The following SPMIP2 variants were observed in gnomAD, a reference collection of about 807,000 sequenced individuals.
SPMIP2 encodes the protein protein SPMIP2.
the SPMIP2 span, among the ~76,000 whole-genome samples, chr4:159,061,053 C>A: frequency 6.8e-6 from 1 of 147,814 alleles, no homozygotes; most frequent in Non-Finnish European, 1.5e-5. Flanking sequence ...CCACTGCACT[C>A]TAGCCTGGGC....
the SPMIP2 span, among the ~76,000 whole-genome samples, chr4:159,006,067 T>C: frequency 3.3e-5 from 5 of 152,234 alleles, no homozygotes; most frequent in Admixed American, 3.3e-4. Flanking sequence ...CCTGACCCTC[T>C]TTTAATTTTT....
chr4:159,061,416 T>C, the SPMIP2 span, among the ~76,000 whole-genome samples: 3 of 152,024 alleles, frequency 2.0e-5, no homozygotes, highest in Non-Finnish European at 4.4e-5. Flanking sequence ...CACTGTATCC[T>C]GGGACACTGG....
chr4:158,986,382 C>T, the SPMIP2 span, among the ~76,000 whole-genome samples: 3 of 152,156 alleles, frequency 2.0e-5, no homozygotes, highest in Non-Finnish European at 4.4e-5. Context: ...TGACTTCAAA[C>T]TATACTACAA....
At chr4:158,975,775 A>G in the SPMIP2 span, among the ~76,000 whole-genome samples, 1 of 152,194 alleles carries the variant, frequency 6.6e-6, no homozygotes, top group Non-Finnish European at 1.5e-5. Context: ...GGTCTTGGCT[A>G]TGTGGGCTCT....
At chr4:158,895,778 A>G in the SPMIP2 span, 2 of 1,612,720 alleles carry the variant, frequency 1.2e-6, no homozygotes, top group Non-Finnish European at 1.7e-6. Context: ...GATAGACTAC[A>G]GGAGATGTAC....
chr4:159,077,307 T>C, the SPMIP2 span, among the ~76,000 whole-genome samples: 45 of 151,884 alleles, frequency 3.0e-4, no homozygotes, highest in African/African-American at 1.1e-3. Flanking sequence ...CCACCACGCC[T>C]GGCTAATTTT....
the SPMIP2 span, chr4:159,038,850 G>A: frequency 6.6e-6 from 1 of 152,346 alleles, no homozygotes; most frequent in African/African-American, 2.4e-5. Flanking sequence ...CAATAGCACT[G>A]TGCCTAGCAA....
chr4:158,988,153 A>T, the SPMIP2 span, among the ~76,000 whole-genome samples: 1 of 152,196 alleles, frequency 6.6e-6, no homozygotes, highest in African/African-American at 2.4e-5. Flanking sequence ...AGAAATGGAT[A>T]AATTCCTGGG....
the SPMIP2 span, among the ~76,000 whole-genome samples, chr4:159,052,047 C>T: frequency 6.6e-6 from 1 of 152,030 alleles, no homozygotes; most frequent in African/African-American, 2.4e-5. Context: ...ACCAAATTTC[C>T]CTTGCCATCT....
chr4:158,926,988 CT>C, the SPMIP2 span, among the ~76,000 whole-genome samples: 2 of 152,146 alleles, frequency 1.3e-5, no homozygotes, highest in Non-Finnish European at 1.5e-5. Context: ...ACAGGTACCC[CT>C]GAATCTAAAA....
chr4:158,936,980 C>T, the SPMIP2 span, among the ~76,000 whole-genome samples: 1 of 152,204 alleles, frequency 6.6e-6, no homozygotes, highest in African/African-American at 2.4e-5. Flanking sequence ...AAGGCATGAT[C>T]ACCCACCCCT....
chr4:158,964,164 AAAC>A, the SPMIP2 span, among the ~76,000 whole-genome samples: 3 of 111,160 alleles, frequency 2.7e-5, no homozygotes, highest in Non-Finnish European at 4.2e-5. Context: ...AAACAAAACA[AAAC>A]AAAACAAAAC....
At chr4:159,043,476 T>C in the SPMIP2 span, among the ~76,000 whole-genome samples, 30 of 152,048 alleles carry the variant, frequency 2.0e-4, no homozygotes, top group African/African-American at 6.8e-4. Context: ...GCCTCCCGAG[T>C]AGCTGGGACT....
At chr4:158,938,298 T>TAACA in the SPMIP2 span, among the ~76,000 whole-genome samples, 1 of 152,202 alleles carries the variant, frequency 6.6e-6, no homozygotes, top group Admixed American at 6.5e-5. Context: ...ACATATTTAT[T>TAACA]TTTCCTTTAA....
chr4:158,907,811 C>T, the SPMIP2 span: 1 of 151,948 alleles, frequency 6.6e-6, no homozygotes, highest in African/African-American at 2.4e-5. Context: ...ATATGATGAA[C>T]GATATATCTT....
chr4:158,962,006 C>T, the SPMIP2 span, among the ~76,000 whole-genome samples: 3 of 152,046 alleles, frequency 2.0e-5, no homozygotes, highest in Non-Finnish European at 4.4e-5. Context: ...ACCTTTTACA[C>T]TTATTTTAAA....
At chr4:158,904,649 CAG>C in the SPMIP2 span, 412 of 959,972 alleles carry the variant, frequency 4.3e-4, 1 homozygote, top group African/African-American at 5.8e-3. Flanking sequence ...GAAGAGCAAA[CAG>C]AAACAGTCAT....
At chr4:159,003,742 T>C in the SPMIP2 span, among the ~76,000 whole-genome samples, 5 of 152,182 alleles carry the variant, frequency 3.3e-5, no homozygotes, top group Non-Finnish European at 5.9e-5. Context: ...CTCCTTCCCA[T>C]TATCAAGGTA....
the SPMIP2 span, among the ~76,000 whole-genome samples, chr4:159,080,823 ACGCCGTTCT>A: frequency 2.0e-5 from 3 of 152,014 alleles, no homozygotes; most frequent in Non-Finnish European, 4.4e-5. Context: ...TCCCAGGTTC[ACGCCGTTCT>A]CCTGCCTCAG....
Sources: gnomAD v4.1 joint callset for allele counts (sites outside exome capture counted in the v4.1 genomes callset) on GRCh38, gnomAD v4.1.1 for gene constraint, MANE v1.5 for transcripts, NCBI Gene and HGNC (gene_info 2026-07-23, HGNC 2026-07-21) for gene names.